The following EXOC4 variants were observed in gnomAD, a reference collection of about 807,000 sequenced individuals.
EXOC4 encodes the protein exocyst complex component 4.
Under a neutral mutation model 107.2 loss-of-function variants are expected in EXOC4, and 71 were observed. The observed-to-expected ratio is 0.66, with a 90% CI of 0.55 to 0.81. EXOC4 has a LOEUF of 0.81. Ranked by LOEUF, EXOC4 falls within the 30% of genes least tolerant of loss-of-function variation. The probability of loss-of-function intolerance (pLI) is 0.00; values close to 1 mark genes in which losing one functional copy is unlikely to be tolerated. For synonymous variants in EXOC4, 456 were observed against 441.2 expected (o/e 1.03, Z -0.42); for missense variants, 1,108 against 1,189.6 (o/e 0.93, Z 1.01).
chr7:133,742,675 A>G (rs778845163), intron 10 of EXOC4, among the ~76,000 whole-genome samples: 6 of 152,098 alleles, frequency 3.9e-5, no homozygotes, highest in Non-Finnish European at 7.4e-5. Flanking sequence ...ATTAATATTC[A>G]CGATAGCTCA....
chr7:133,843,388 C>A (rs1255105140), intron 11 of EXOC4, among the ~76,000 whole-genome samples: 1 of 152,086 alleles, frequency 6.6e-6, no homozygotes, highest in Non-Finnish European at 1.5e-5. Context: ...CTTTACCTCC[C>A]TGGTTAGCTG....
chr7:133,684,976 G>GA (rs1465249417), intron 10 of EXOC4, among the ~76,000 whole-genome samples: 1 of 152,248 alleles, frequency 6.6e-6, no homozygotes, highest in South Asian at 2.1e-4. Context: ...TCAGCAAAGG[G>GA]AGATGGCAAG....
chr7:133,390,221 G>A (rs1344840758), intron 7 of EXOC4, among the ~76,000 whole-genome samples: 2 of 152,204 alleles, frequency 1.3e-5, no homozygotes, highest in Non-Finnish European at 1.5e-5. Flanking sequence ...TGAGTGAACT[G>A]AGGAGCACTT....
chr7:133,704,070 T>A (rs1458706167), intron 10 of EXOC4, among the ~76,000 whole-genome samples: 1 of 152,188 alleles, frequency 6.6e-6, no homozygotes, highest in Non-Finnish European at 1.5e-5. Flanking sequence ...ATGTGTTCAC[T>A]GTGACACTGA....
chr7:133,513,040 G>T (rs1390774415), intron 9 of EXOC4, among the ~76,000 whole-genome samples: 1 of 152,124 alleles, frequency 6.6e-6, no homozygotes, highest in Non-Finnish European at 1.5e-5. Context: ...GGGAAATGGA[G>T]GCTGCAGTGA....
intron 10 of EXOC4, among the ~76,000 whole-genome samples, chr7:133,728,429 T>A (rs912580853): frequency 6.6e-6 from 1 of 152,240 alleles, no homozygotes; most frequent in Non-Finnish European, 1.5e-5. Context: ...GAACTGTAGA[T>A]AACATTGAGA....
intron 10 of EXOC4, among the ~76,000 whole-genome samples, chr7:133,630,992 T>G (rs1325652038): frequency 6.6e-6 from 1 of 152,206 alleles, no homozygotes; most frequent in African/African-American, 2.4e-5. Flanking sequence ...AGAGATCTGT[T>G]ACATAACCAT....
At chr7:133,990,268 T>TCCCCCCC (rs60183854) in intron 14 of EXOC4, among the ~76,000 whole-genome samples, 11 of 110,162 alleles carry the variant, frequency 1.0e-4, no homozygotes, top group South Asian at 3.4e-4. Flanking sequence ...AACTTTCCCC[T>TCCCCCCC]CCCCCCCCCA....
chr7:133,855,800 A>G lies in EXOC4; in HGVS notation c.1734+38256A>G, dbSNP rs556506120. 8.5e-5 allele frequency among the ~76,000 whole-genome samples: 13 copies of G among 152,316 alleles called. No individual in the cohort carries two copies. In the East Asian group the frequency reaches 2.5e-3, roughly 29 times the overall value. On this transcript the variant is annotated intron_variant, in intron 11 of 17. Coordinates refer to ENST00000253861, the MANE Select transcript of EXOC4 (RefSeq NM_021807.4). ...GAACAGTTATTACATGGCTGCAATA[A>G]TTATCTGTAAGCGTTATATCTACAG...
At chr7:133,995,341 TG>T (rs1310111508) in intron 14 of EXOC4, among the ~76,000 whole-genome samples, 27 of 152,166 alleles carry the variant, frequency 1.8e-4, no homozygotes, top group African/African-American at 6.5e-4. Context: ...AGATTAGGAG[TG>T]AGACTTCAAA....
intron 14 of EXOC4, among the ~76,000 whole-genome samples, chr7:133,977,083 CA>C (rs936468729): frequency 2.6e-5 from 4 of 152,164 alleles, no homozygotes; most frequent in Non-Finnish European, 4.4e-5. Flanking sequence ...TGAGTGTGCT[CA>C]TGGGCATGGA....
intron 11 of EXOC4, among the ~76,000 whole-genome samples, chr7:133,876,903 A>G (rs999696991): frequency 2.0e-5 from 3 of 151,918 alleles, no homozygotes; most frequent in South Asian, 2.1e-4. Context: ...GTGACTTTCT[A>G]TAGTTTTTGT....
intron 9 of EXOC4, among the ~76,000 whole-genome samples, chr7:133,599,270 ACT>A (rs1438211582): frequency 1.3e-5 from 2 of 152,102 alleles, no homozygotes; most frequent in East Asian, 3.9e-4. Context: ...AGAGGACATG[ACT>A]CTGTGTACAA....
At chr7:133,784,490 C>T (rs1041772073) in intron 10 of EXOC4, among the ~76,000 whole-genome samples, 2 of 152,126 alleles carry the variant, frequency 1.3e-5, no homozygotes, top group African/African-American at 2.4e-5. Context: ...GGCCTTTCTT[C>T]CTCTCTGGGG....
At chr7:133,546,293 G>A (rs1367403553) in intron 9 of EXOC4, among the ~76,000 whole-genome samples, 1 of 125,144 alleles carries the variant, frequency 8.0e-6, no homozygotes, top group East Asian at 2.3e-4. Context: ...GTCTTGCTCT[G>A]TCACCCAGGC....
chr7:133,760,553 C>T (rs529115577), intron 10 of EXOC4, among the ~76,000 whole-genome samples: 20 of 152,196 alleles, frequency 1.3e-4, no homozygotes, highest in African/African-American at 3.9e-4. Context: ...TGACCGCACA[C>T]GTGAGTGCCT....
At position 133,550,515 on chromosome 7, in the gene EXOC4, G is replaced by A. The variant is rs933890970; in HGVS notation, c.1417+70377G>A. Reference sequence around the variant, plus strand: ...AAATCTATATCTCAGAGCAAATCTAGCATTTAATGACATCTAGCTTTTGCT... The same window carrying A: ...AAATCTATATCTCAGAGCAAATCTAACATTTAATGACATCTAGCTTTTGCT... On this transcript the variant is annotated intron_variant, in intron 9 of 17. Transcript: ENST00000253861. Among the ~76,000 whole-genome samples the A allele has an allele frequency of 4.6e-5, 7 of 152,110 alleles. No homozygotes were observed. In the East Asian group the frequency reaches 1.3e-3, roughly 29 times the overall value.
At chr7:133,818,371 A>G (rs541837625) in intron 11 of EXOC4, among the ~76,000 whole-genome samples, 34 of 152,296 alleles carry the variant, frequency 2.2e-4, no homozygotes, top group African/African-American at 7.7e-4. Flanking sequence ...AGCTTTTCAA[A>G]GAGAAGTTGT....
At chr7:134,002,085 C>T (rs1794542545) in intron 15 of EXOC4, among the ~76,000 whole-genome samples, 1 of 152,196 alleles carries the variant, frequency 6.6e-6, no homozygotes, top group Admixed American at 6.5e-5. Flanking sequence ...TGTCAGAAAG[C>T]TCACATTCCA....
Sources: gnomAD v4.1 joint callset for allele counts (sites outside exome capture counted in the v4.1 genomes callset) on GRCh38, gnomAD v4.1.1 for gene constraint, MANE v1.5 for transcripts, NCBI Gene and HGNC (gene_info 2026-07-23, HGNC 2026-07-21) for gene names.